The following PTGER3 variants were observed in gnomAD, a reference collection of about 807,000 sequenced individuals.
PTGER3 encodes the protein prostaglandin E receptor 3, also known as prostaglandin E2 receptor EP3 subtype.
PTGER3 carries 22 observed loss-of-function variants against 34.7 expected under a neutral mutation model. The observed-to-expected ratio is 0.63, with a 90% confidence interval of 0.45 to 0.91. PTGER3 has a LOEUF of 0.91. PTGER3 is among the 40% of genes least tolerant of loss of function. PTGER3 has a pLI of 0.00. For missense variants in PTGER3, 468 were observed against 519.4 expected (o/e 0.90, Z 0.96); for synonymous variants, 241 against 230.1 (o/e 1.05, Z -0.43).
chr1:70,852,585 G>A, exon 5 of PTGER3: 2 of 540,096 alleles, frequency 3.7e-6, no homozygotes, highest in Non-Finnish European at 3.3e-6. Context: ...ATATGATAAT[G>A]TATACGCAAA....
intron 2 of PTGER3, among the ~76,000 whole-genome samples, chr1:70,981,265 C>A (rs1273696259): frequency 1.3e-5 from 2 of 151,572 alleles, no homozygotes; most frequent in South Asian, 2.1e-4. Context: ...TTTTTCTTTT[C>A]TTTTTCCTTT....
At chr1:70,955,858 G>T (rs1439362518) in intron 2 of PTGER3, among the ~76,000 whole-genome samples, 1 of 152,092 alleles carries the variant, frequency 6.6e-6, no homozygotes, top group African/African-American at 2.4e-5. Context: ...CCATCACTAT[G>T]CACAATTATA....
At chr1:70,860,456 A>G (rs1390039914) in intron 4 of PTGER3, among the ~76,000 whole-genome samples, 1 of 152,126 alleles carries the variant, frequency 6.6e-6, no homozygotes, top group African/African-American at 2.4e-5. Flanking sequence ...GTGACCATGA[A>G]CTGAAATAAT....
At chr1:71,024,373 T>C (rs1658694413) in intron 1 of PTGER3, among the ~76,000 whole-genome samples, 1 of 152,188 alleles carries the variant, frequency 6.6e-6, no homozygotes. Flanking sequence ...TGGATTCCCA[T>C]AATTCTCTAC....
chr1:70,884,058 G>A (rs1178986423), intron 4 of PTGER3: 1 of 404,460 alleles, frequency 2.5e-6, no homozygotes, highest in South Asian at 1.8e-5. Context: ...CTGCACTCCA[G>A]TCTGGGTGAG....
At chr1:70,973,751 A>G (rs1357923324) in intron 3 of PTGER3, among the ~76,000 whole-genome samples, 1 of 152,222 alleles carries the variant, frequency 6.6e-6, no homozygotes. Context: ...ATTAGCCATT[A>G]ATAGAAATAC....
chr1:70,943,609 T>C lies in PTGER3; in HGVS notation c.*23+10154A>G, dbSNP rs762123754. 2.0e-5 allele frequency among the ~76,000 whole-genome samples: 3 copies of C among 152,144 alleles called. No individual in the cohort carries two copies. In the East Asian group the frequency reaches 5.8e-4, roughly 29 times the overall value. On this transcript the variant is annotated intron_variant, in intron 4 of 4. Transcript: ENST00000370931. ...CAAGAATTACCCTCAAACCAAGCAG[T>C]TGGTTTAACCCAGTCTCTATGTCAT... is the stretch of plus-strand genomic sequence containing the variant.
chr1:70,923,242 T>A (rs1572657484), intron 4 of PTGER3, among the ~76,000 whole-genome samples: 1 of 151,906 alleles, frequency 6.6e-6, no homozygotes, highest in Admixed American at 6.6e-5. Context: ...TATAAATGTG[T>A]TATTGGTATA....
intron 2 of PTGER3, among the ~76,000 whole-genome samples, chr1:71,003,320 A>G (rs190948484): frequency 6.6e-5 from 10 of 152,328 alleles, no homozygotes; most frequent in African/African-American, 1.9e-4. Flanking sequence ...ATGTGTCTAC[A>G]TATATATCCT....
Position 71,047,017 on chromosome 1 carries a change from G to A in PTGER3, c.561C>T (p.Ala187=), listed in dbSNP as rs760828264. 11 of 1,611,030 alleles carry A rather than the reference G, an allele frequency of 6.8e-6. No individual in the cohort carries two copies. Among genetic ancestry groups the A allele is most frequent in the Non-Finnish European group, 8.5e-6 (10 of 1,178,978 alleles). The change falls in exon 1 of 4, where the codon GCC becomes GCT. Residue 187 remains alanine (A), a synonymous_variant. Transcript: ENST00000306666. ...CGCCCAGCACCGGCAGCAGGGCGAAGGCGAGCACGGCCAGCCACACGCCGA... is the reference window on the plus strand; with the variant it reads ...CGCCCAGCACCGGCAGCAGGGCGAAAGCGAGCACGGCCAGCCACACGCCGA... ...VLLGVWLAVL[A]FALLPVLGVG... is the part of the protein sequence containing the mutation.
At chr1:70,903,993 G>A (rs1035936370) in intron 4 of PTGER3, among the ~76,000 whole-genome samples, 2 of 152,162 alleles carry the variant, frequency 1.3e-5, no homozygotes, top group African/African-American at 2.4e-5. Context: ...ATTCCCATGT[G>A]TTGTGGAAAG....
chr1:70,884,189 T>C (rs1553159531), intron 4 of PTGER3: 1 of 254,278 alleles, frequency 3.9e-6, no homozygotes, highest in Non-Finnish European at 7.9e-6. Context: ...AATGCTGTTG[T>C]GTGGGACACC....
intron 4 of PTGER3, among the ~76,000 whole-genome samples, chr1:70,899,736 A>T (rs1413533314): frequency 6.6e-6 from 1 of 152,064 alleles, no homozygotes; most frequent in Non-Finnish European, 1.5e-5. Flanking sequence ...AACAGAAATC[A>T]GTTTGTAAGT....
chr1:70,984,534 G>A (rs1435044502), intron 2 of PTGER3, among the ~76,000 whole-genome samples: 1 of 152,114 alleles, frequency 6.6e-6, no homozygotes, highest in African/African-American at 2.4e-5. Flanking sequence ...GGGCAACACA[G>A]CAAGATCTGT....
intron 4 of PTGER3, among the ~76,000 whole-genome samples, chr1:70,899,791 G>A (rs923271977): frequency 5.3e-5 from 8 of 151,954 alleles, no homozygotes. Context: ...TGGAACTAAG[G>A]GAGATAAGCA....
downstream of PTGER3, chr1:70,950,858 C>T (rs480867): frequency 0.6 from 91,348 of 151,956 alleles, 27,984 homozygotes; most frequent in East Asian, 0.72. Flanking sequence ...ACCACCACGC[C>T]TGGCTAATTT....
At chr1:71,019,790 T>C (rs1658236132) in intron 1 of PTGER3, among the ~76,000 whole-genome samples, 1 of 152,134 alleles carries the variant, frequency 6.6e-6, no homozygotes. Context: ...AGATGATAAA[T>C]GAGGAAACCC....
intron 4 of PTGER3, chr1:70,869,185 G>A (rs112703448): frequency 1.4e-5 from 6 of 434,898 alleles, no homozygotes; most frequent in Non-Finnish European, 2.8e-5. Context: ...CTGTATGTGT[G>A]TCGGGGCAGG....
At chr1:71,010,561 A>G in intron 2 of PTGER3, 1 of 984,862 alleles carries the variant, frequency 1.0e-6, no homozygotes, top group Non-Finnish European at 1.2e-6. Context: ...GGGTCACAGG[A>G]CCAACCAAGA....
Sources: gnomAD v4.1 joint callset for allele counts (sites outside exome capture counted in the v4.1 genomes callset) on GRCh38, gnomAD v4.1.1 for gene constraint, MANE v1.5 for transcripts, NCBI Gene and HGNC (gene_info 2026-07-23, HGNC 2026-07-21) for gene names.